Variants in TLL1 observed in about 807,000 individuals in gnomAD.
The protein encoded by TLL1 is tolloid-like protein 1.
TLL1 carries 49 observed loss-of-function variants against 128.2 expected under a neutral mutation model. The observed-to-expected ratio is 0.38, with a 90% CI of 0.30 to 0.48. TLL1 has a LOEUF of 0.48. Among genes scored for constraint, TLL1 ranks in the 20% least tolerant of loss-of-function variants. The pLI is 0.96. For synonymous variants in TLL1, 454 were observed against 418.8 expected, an observed-to-expected ratio of 1.08 and a Z score of -1.03; for missense variants, 1,123 against 1,242.0, an observed-to-expected ratio of 0.90 and a Z score of 1.44.
At chr4:165,905,853 G>T (rs554093358) in intron 1 of TLL1, among the ~76,000 whole-genome samples, 2 of 152,160 alleles carry the variant, frequency 1.3e-5, no homozygotes, top group African/African-American at 4.8e-5. Flanking sequence ...AAGCGTCATC[G>T]GTTGCTTTTC....
intron 9 of TLL1, chr4:166,030,708 T>A: frequency 4.3e-6 from 5 of 1,173,490 alleles, no homozygotes; most frequent in South Asian, 4.4e-5. Flanking sequence ...GGATATCCAG[T>A]TTCTTCAACA....
chr4:166,080,918 TA>T (rs1741259026), intron 18 of TLL1, among the ~76,000 whole-genome samples: 1 of 152,126 alleles, frequency 6.6e-6, no homozygotes, highest in Non-Finnish European at 1.5e-5. Context: ...TTATCAGTGG[TA>T]GGTGGCAGTT....
chr4:165,953,656 T>C (rs184945403), intron 1 of TLL1, among the ~76,000 whole-genome samples: 1 of 150,040 alleles, frequency 6.7e-6, no homozygotes, highest in African/African-American at 2.4e-5. Context: ...ATAAATATTA[T>C]GTACAAATGA....
At chr4:166,005,991 G>A (rs1737408676) in intron 6 of TLL1, among the ~76,000 whole-genome samples, 1 of 151,754 alleles carries the variant, frequency 6.6e-6, no homozygotes, top group Non-Finnish European at 1.5e-5. Flanking sequence ...CCTGAATGAT[G>A]GGAACCACTG....
intron 9 of TLL1, among the ~76,000 whole-genome samples, chr4:166,035,520 A>G (rs1004579470): frequency 2.6e-5 from 4 of 152,182 alleles, no homozygotes; most frequent in Non-Finnish European, 5.9e-5. Flanking sequence ...GTTAAGATTC[A>G]TTCAACCTCA....
At chr4:165,902,126 G>T (rs1732023197) in intron 1 of TLL1, among the ~76,000 whole-genome samples, 1 of 152,170 alleles carries the variant, frequency 6.6e-6, no homozygotes, top group South Asian at 2.1e-4. Flanking sequence ...GTTGACTTTA[G>T]ACTGCTGTGC....
intron 15 of TLL1, among the ~76,000 whole-genome samples, chr4:166,063,061 G>A (rs1404383253): frequency 2.6e-5 from 4 of 152,118 alleles, no homozygotes; most frequent in Non-Finnish European, 5.9e-5. Context: ...GTAACCTACA[G>A]AATGGGAGAA....
chr4:166,027,737 A>T (rs1738573447), intron 9 of TLL1, among the ~76,000 whole-genome samples: 1 of 152,172 alleles, frequency 6.6e-6, no homozygotes, highest in African/African-American at 2.4e-5. Context: ...CATGATTTTA[A>T]AAAGAAAACC....
At chr4:166,038,504 C>T (rs2111088422) in intron 9 of TLL1, among the ~76,000 whole-genome samples, 1 of 151,118 alleles carries the variant, frequency 6.6e-6, no homozygotes, top group East Asian at 1.9e-4. Context: ...AAAAAAAAAC[C>T]AGATGAATTC....
At chr4:165,957,418 A>G (rs1214461606) in intron 1 of TLL1, among the ~76,000 whole-genome samples, 3 of 152,088 alleles carry the variant, frequency 2.0e-5, no homozygotes, top group Admixed American at 2.0e-4. Flanking sequence ...TCAGCACTCC[A>G]CTAACAGCTT....
chr4:166,020,228 CT>C (rs1176999408), intron 8 of TLL1, among the ~76,000 whole-genome samples: 1 of 152,180 alleles, frequency 6.6e-6, no homozygotes. Flanking sequence ...AAGGCAAATC[CT>C]TTGTCTTTAT....
At chr4:165,986,972 A>G (rs946054040) in intron 1 of TLL1, among the ~76,000 whole-genome samples, 14 of 152,088 alleles carry the variant, frequency 9.2e-5, no homozygotes, top group African/African-American at 3.4e-4. Context: ...TTGCAGAAAA[A>G]ATTAATACTA....
At chr4:166,089,027 T>C (rs934412618) in intron 18 of TLL1, among the ~76,000 whole-genome samples, 2 of 152,138 alleles carry the variant, frequency 1.3e-5, no homozygotes, top group African/African-American at 4.8e-5. Context: ...TACCTCCAAC[T>C]TTCTTAAAAT....
chr4:166,000,578 A>G lies in TLL1; in HGVS notation c.633-2813A>G, dbSNP rs28662095. Reference sequence around the variant, plus strand: ...CCCACATTTTGACTTGCAAATAACTATATTCCCTGAATAAAGCCAGTAAGA... The same window carrying G: ...CCCACATTTTGACTTGCAAATAACTGTATTCCCTGAATAAAGCCAGTAAGA... On this transcript the variant is annotated intron_variant, in intron 5 of 20. Transcript: ENST00000061240. Among the ~76,000 whole-genome samples the G allele has an allele frequency of 9.4e-3, 1,428 of 152,286 alleles. 27 individuals carry two copies. The highest frequency in any genetic ancestry group is 0.033 in the African/African-American group (1,352 of 41,566).
At chr4:165,988,164 A>G (rs1736471051) in intron 1 of TLL1, among the ~76,000 whole-genome samples, 1 of 152,112 alleles carries the variant, frequency 6.6e-6, no homozygotes, top group African/African-American at 2.4e-5. Context: ...CTTGTATTCA[A>G]ATAAGCAGGG....
chr4:165,947,684 G>A (rs1223811613), intron 1 of TLL1, among the ~76,000 whole-genome samples: 1 of 152,090 alleles, frequency 6.6e-6, no homozygotes, highest in African/African-American at 2.4e-5. Flanking sequence ...GATTAAGGGT[G>A]TGACTTACAG....
At position 166,102,292 on chromosome 4, in the gene TLL1, C is replaced by T. The variant is rs538401274; in HGVS notation, c.*1416C>T. 1 of 152,404 alleles carries T rather than the reference C, an allele frequency of 6.6e-6. No individual in the cohort carries two copies. The highest frequency in any genetic ancestry group is 2.4e-5 in the African/African-American group (1 of 41,492). The allele number at this position is 152,404 out of a possible 1,614,324, so 9.4% of individuals were successfully genotyped here. Reference sequence around the variant, plus strand: ...CATTGGATATAAATATGGTGTCCTGCTTTTTTTGTAGAAAATGTAATTTGA... The same window carrying T: ...CATTGGATATAAATATGGTGTCCTGTTTTTTTTGTAGAAAATGTAATTTGA... On this transcript the variant is annotated 3_prime_UTR_variant, in exon 21 of 21. Coordinates refer to ENST00000061240, the MANE Select transcript of TLL1 (RefSeq NM_012464.5).
intron 1 of TLL1, among the ~76,000 whole-genome samples, chr4:165,885,512 G>C (rs1561005811): frequency 6.6e-6 from 1 of 151,974 alleles, no homozygotes; most frequent in Non-Finnish European, 1.5e-5. Context: ...TTCATGACTT[G>C]TCTGCCAGAA....
intron 1 of TLL1, among the ~76,000 whole-genome samples, chr4:165,934,113 C>T (rs1733657197): frequency 6.6e-6 from 1 of 151,792 alleles, no homozygotes; most frequent in Non-Finnish European, 1.5e-5. Context: ...ATTCTCCTGC[C>T]TCAGCCTCCC....
Sources: allele counts gnomAD v4.1 joint callset (sites outside exome capture counted in the v4.1 genomes callset), GRCh38; gene constraint gnomAD v4.1.1; transcripts MANE v1.5; gene names NCBI Gene and HGNC (gene_info 2026-07-23, HGNC 2026-07-21).